Variants in GRIK2 observed in about 807,000 individuals in gnomAD.
GRIK2 encodes glutamate receptor ionotropic, kainate 2.
Under a neutral mutation model 100.3 loss-of-function variants are expected in GRIK2, and 32 were observed. The observed-to-expected ratio is 0.32, with a 90% CI of 0.24 to 0.43. The LOEUF (loss-of-function observed/expected upper bound fraction) is 0.43, where lower values mean the gene tolerates loss of function less well. Ranked by LOEUF, GRIK2 falls within the 20% of genes least tolerant of loss-of-function variation. GRIK2 has a pLI of 1.00. For missense variants in GRIK2, 843 were observed against 1,114.9 expected, an observed-to-expected ratio of 0.76 and a Z score of 3.47; for synonymous variants, 417 against 389.4, an observed-to-expected ratio of 1.07 and a Z score of -0.83.
At chr6:101,446,165 A>G (rs553635869) in intron 2 of GRIK2, among the ~76,000 whole-genome samples, 8 of 152,060 alleles carry the variant, frequency 5.3e-5, no homozygotes, top group African/African-American at 1.7e-4. Context: ...ATAAGATTCT[A>G]TGATCCTGGT....
chr6:101,481,524 A>C (rs1289037694), intron 2 of GRIK2, among the ~76,000 whole-genome samples: 1 of 152,124 alleles, frequency 6.6e-6, no homozygotes, highest in African/African-American at 2.4e-5. Context: ...TATTTTTTAA[A>C]ATTTCCTGTT....
At chr6:101,738,516 C>T (rs1188352718) in intron 7 of GRIK2, among the ~76,000 whole-genome samples, 1 of 152,102 alleles carries the variant, frequency 6.6e-6, no homozygotes, top group Non-Finnish European at 1.5e-5. Context: ...TCCCACCTGC[C>T]CTATCTTCAC....
At chr6:101,946,980 A>G (rs367927638) in intron 14 of GRIK2, among the ~76,000 whole-genome samples, 1 of 152,150 alleles carries the variant, frequency 6.6e-6, no homozygotes, top group African/African-American at 2.4e-5. Flanking sequence ...AAGGGCTCCT[A>G]GGACCTTGAG....
intron 15 of GRIK2, among the ~76,000 whole-genome samples, chr6:102,042,007 C>CCAAT (rs1391846315): frequency 1.3e-5 from 2 of 151,410 alleles, no homozygotes; most frequent in African/African-American, 2.4e-5. Flanking sequence ...TTACCATCAG[C>CCAAT]CAATCAGTAT....
intron 2 of GRIK2, among the ~76,000 whole-genome samples, chr6:101,598,788 C>CAG (rs1450915888): frequency 6.6e-6 from 1 of 151,406 alleles, no homozygotes; most frequent in African/African-American, 2.4e-5. Context: ...TTTTTAACAC[C>CAG]AGAGGCTATT....
intron 14 of GRIK2, among the ~76,000 whole-genome samples, chr6:101,951,481 A>G (rs956537398): frequency 6.6e-6 from 1 of 152,188 alleles, no homozygotes; most frequent in African/African-American, 2.4e-5. Flanking sequence ...TTTTGTTTAA[A>G]TATTTTTGCT....
At chr6:101,778,633 G>GA (rs1310481887) in intron 7 of GRIK2, among the ~76,000 whole-genome samples, 1 of 152,028 alleles carries the variant, frequency 6.6e-6, no homozygotes, top group South Asian at 2.1e-4. Flanking sequence ...CTCACCAGAA[G>GA]AAAAAAATAA....
At chr6:101,975,214 A>G (rs1282839732) in intron 14 of GRIK2, among the ~76,000 whole-genome samples, 2 of 151,862 alleles carry the variant, frequency 1.3e-5, no homozygotes, top group South Asian at 4.2e-4. Flanking sequence ...ACACAGAGAT[A>G]TCTAGTAAGA....
In GRIK2 at chr6:101,980,356, G is replaced by A. The variant is rs1335162620; in HGVS notation, c.2085+51724G>A. On this transcript the variant is annotated intron_variant, in intron 14 of 16. Coordinates refer to ENST00000369134, the MANE Select transcript of GRIK2 (RefSeq NM_021956.5). Reference sequence around the variant, plus strand: ...GAGAAGAGGGAGAGCTCTTTTTTGAGGGAAGCAATATTTTAGAGATCTATC... The same window carrying A: ...GAGAAGAGGGAGAGCTCTTTTTTGAAGGAAGCAATATTTTAGAGATCTATC... 2.6e-5 allele frequency among the ~76,000 whole-genome samples: 4 copies of A among 152,040 alleles called. No homozygotes were observed. The East Asian group carries it at 7.8e-4, about 30-fold the overall frequency.
At chr6:101,644,420 C>T (rs1318117165) in intron 4 of GRIK2, among the ~76,000 whole-genome samples, 2 of 151,278 alleles carry the variant, frequency 1.3e-5, no homozygotes, top group African/African-American at 4.9e-5. Context: ...CTAGAGATGC[C>T]CAAGAATAAA....
intron 7 of GRIK2, among the ~76,000 whole-genome samples, chr6:101,693,869 G>T (rs1265360095): frequency 6.6e-6 from 1 of 151,854 alleles, no homozygotes; most frequent in East Asian, 1.9e-4. Flanking sequence ...TCCAACAAGT[G>T]GCATATTTTG....
intron 7 of GRIK2, among the ~76,000 whole-genome samples, chr6:101,687,883 A>T (rs1292586320): frequency 6.6e-6 from 1 of 151,414 alleles, no homozygotes; most frequent in Non-Finnish European, 1.5e-5. Context: ...TTTTCCTTCA[A>T]AGTGGAGCCA....
Position 101,503,008 on chromosome 6 carries a change from G to A in GRIK2, c.115+103616G>A, listed in dbSNP as rs148902154. On this transcript the variant is annotated intron_variant, in intron 2 of 16. Transcript: ENST00000369134. ...CTGCTCTATTGAGGAATAACAGATG[G>A]AGGTGGGGGTTATGTGCTGTAGGTG... Among the ~76,000 whole-genome samples, 1,155 of 152,184 alleles carry A rather than the reference G, an allele frequency of 7.6e-3. 11 individuals are homozygous for A. The highest frequency in any genetic ancestry group is 0.024 in the Middle Eastern group (7 of 294).
chr6:101,850,485 T>A (rs572123763), intron 10 of GRIK2, among the ~76,000 whole-genome samples: 5 of 152,112 alleles, frequency 3.3e-5, no homozygotes, highest in African/African-American at 1.2e-4. Context: ...TATCTCAGGG[T>A]TAACATATGA....
At chr6:101,792,335 G>T (rs1209421094) in intron 7 of GRIK2, among the ~76,000 whole-genome samples, 1 of 152,138 alleles carries the variant, frequency 6.6e-6, no homozygotes, top group African/African-American at 2.4e-5. Flanking sequence ...TGATTTTGCA[G>T]TGGCTGGTCC....
intron 14 of GRIK2, among the ~76,000 whole-genome samples, chr6:101,967,564 CAA>C (rs1246414647): frequency 6.6e-6 from 1 of 152,000 alleles, no homozygotes; most frequent in East Asian, 1.9e-4. Flanking sequence ...TGCATAGTCA[CAA>C]AGACGACTTG....
At chr6:101,630,845 T>A (rs1176689530) in intron 4 of GRIK2, among the ~76,000 whole-genome samples, 1 of 151,878 alleles carries the variant, frequency 6.6e-6, no homozygotes, top group African/African-American at 2.4e-5. Flanking sequence ...AACACACATG[T>A]GCTTTTTTTT....
chr6:101,414,649 T>G (rs1776033294), intron 2 of GRIK2, among the ~76,000 whole-genome samples: 1 of 152,192 alleles, frequency 6.6e-6, no homozygotes. Flanking sequence ...TTGTTTTGCA[T>G]GATCTAAAAG....
intron 11 of GRIK2, among the ~76,000 whole-genome samples, chr6:101,889,274 T>A (rs907522013): frequency 1.3e-5 from 2 of 152,024 alleles, no homozygotes; most frequent in African/African-American, 4.8e-5. Context: ...TAATTAATAT[T>A]AAATAGATTT....
Sources: allele counts gnomAD v4.1 joint callset (sites outside exome capture counted in the v4.1 genomes callset), GRCh38; gene constraint gnomAD v4.1.1; transcripts MANE v1.5; gene names NCBI Gene and HGNC (gene_info 2026-07-23, HGNC 2026-07-21).